HAPLN1: variants seen among roughly 807,000 people sequenced by gnomAD.
HAPLN1 encodes the protein hyaluronan and proteoglycan link protein 1, also known as Cartilage link protein.
HAPLN1 carries 13 observed loss-of-function variants against 36.5 expected under a neutral mutation model. The ratio of observed to expected loss-of-function variants is 0.36; its 90% CI spans 0.23 to 0.57. The LOEUF is 0.57. Ranked by LOEUF, HAPLN1 falls within the 20% of genes least tolerant of loss-of-function variation. HAPLN1 has a pLI of 0.83. For missense variants in HAPLN1, 407 were observed against 439.7 expected (o/e 0.93, Z 0.66); for synonymous variants, 202 against 169.8 (o/e 1.19, Z -1.48).
intron 1 of HAPLN1, among the ~76,000 whole-genome samples, chr5:83,700,252 T>C (rs1751477814): frequency 6.7e-6 from 1 of 149,950 alleles, no homozygotes; most frequent in African/African-American, 2.5e-5. Flanking sequence ...ATTACATGTA[T>C]CTACTCTGAT....
At chr5:83,643,732 G>A (rs754788268) in intron 4 of HAPLN1, among the ~76,000 whole-genome samples, 12 of 152,118 alleles carry the variant, frequency 7.9e-5, no homozygotes, top group Non-Finnish European at 1.6e-4. Context: ...GATTATAGGC[G>A]TGAGCCACAG....
intron 2 of HAPLN1, among the ~76,000 whole-genome samples, chr5:83,657,522 T>A (rs953002021): frequency 6.6e-6 from 1 of 152,146 alleles, no homozygotes; most frequent in African/African-American, 2.4e-5. Context: ...ACAGGGATGA[T>A]CGGTTGTCAG....
chr5:83,665,237 T>C (rs1277158915), intron 2 of HAPLN1, among the ~76,000 whole-genome samples: 1 of 152,204 alleles, frequency 6.6e-6, no homozygotes, highest in Non-Finnish European at 1.5e-5. Flanking sequence ...TTGCCAGCAA[T>C]ATTATTAGTC....
At chr5:83,679,858 C>T (rs1306681906) in intron 1 of HAPLN1, among the ~76,000 whole-genome samples, 1 of 152,126 alleles carries the variant, frequency 6.6e-6, no homozygotes, top group Non-Finnish European at 1.5e-5. Flanking sequence ...AAAGAGTTGA[C>T]GTCAAATGTC....
chr5:83,675,824 T>C (rs1018982870), intron 1 of HAPLN1, among the ~76,000 whole-genome samples: 4 of 152,168 alleles, frequency 2.6e-5, no homozygotes, highest in African/African-American at 9.6e-5. Flanking sequence ...AGAACAATAA[T>C]GTGAGACAAA....
intron 1 of HAPLN1, among the ~76,000 whole-genome samples, chr5:83,694,785 TAAAC>T (rs1751354018): frequency 1.3e-5 from 2 of 151,890 alleles, no homozygotes; most frequent in Admixed American, 6.6e-5. Flanking sequence ...AACAAAAAAA[TAAAC>T]AAAACCAATT....
chr5:83,644,564 C>G lies in HAPLN1; in HGVS notation c.574G>C (p.Asp192His), dbSNP rs773127545. Residue 192 changes from aspartate to histidine, a missense_variant, in exon 4 of 5, where the codon GAC becomes CAC. Transcript: ENST00000274341. The part of the protein sequence containing the change: ...LDQDAVIASF[D>H]QLYDAWRGGL... ...CCCCGCCAGGCGTCGTACAGCTGGT[C>G]GAAGGAGGCGATCACAGCATCCTGG... 2.5e-6 allele frequency: 4 copies of G among 1,597,308 alleles called. No individual in the cohort carries two copies. Among genetic ancestry groups the G allele is most frequent in the South Asian group, 2.3e-5 (2 of 88,352 alleles).
intron 4 of HAPLN1, among the ~76,000 whole-genome samples, chr5:83,642,861 C>G (rs368193141): frequency 8.5e-5 from 13 of 152,262 alleles, no homozygotes; most frequent in Admixed American, 6.5e-4. Context: ...AAATTGGCCT[C>G]CTACCTGTTT....
intron 1 of HAPLN1, among the ~76,000 whole-genome samples, chr5:83,688,671 T>TC (rs1751199299): frequency 8.6e-6 from 1 of 116,022 alleles, no homozygotes; most frequent in African/African-American, 3.6e-5. Context: ...TTTTTTTTTT[T>TC]CACTTTGGAG....
chr5:83,717,336 G>A (rs772631929), intron 1 of HAPLN1, among the ~76,000 whole-genome samples: 3 of 152,122 alleles, frequency 2.0e-5, no homozygotes, highest in Non-Finnish European at 2.9e-5. Context: ...AACTTAATGA[G>A]CGGGTCTCCT....
rs199503155 is a variant in HAPLN1 at position 83,641,613 on chromosome 5, G to A, written c.948C>T (p.Tyr316=). Residue 316 remains tyrosine (Y), a synonymous_variant, in exon 5 of 5, where the codon TAC becomes TAT. Transcript: ENST00000274341. ...AGWLADGSVR[Y]PISRPRRRCS... ...AGCGCCTTCTTGGCCTAGAGATGGG[G>A]TAGCGGACGCTGCCATCCGCCAACC... is the stretch of plus-strand genomic sequence containing the variant. The A allele has an allele frequency of 3.1e-6, 5 of 1,614,182 alleles. No individual in the cohort carries two copies. The highest frequency in any genetic ancestry group is 4.2e-6 in the Non-Finnish European group (5 of 1,180,046).
chr5:83,648,701 C>T (rs924343651), intron 3 of HAPLN1, among the ~76,000 whole-genome samples: 4 of 151,944 alleles, frequency 2.6e-5, no homozygotes, highest in Non-Finnish European at 5.9e-5. Flanking sequence ...TTCCCTGGCC[C>T]TTTGGTGCAT....
At chr5:83,678,722 G>T (rs1339571987) in intron 1 of HAPLN1, among the ~76,000 whole-genome samples, 3 of 152,082 alleles carry the variant, frequency 2.0e-5, no homozygotes, top group African/African-American at 7.2e-5. Flanking sequence ...TGAGGGGATT[G>T]TAAGAGAGGT....
chr5:83,701,659 G>A lies in HAPLN1; in HGVS notation c.-27+19130C>T, dbSNP rs1324616430. Among the ~76,000 whole-genome samples the A allele has an allele frequency of 2.0e-5, 3 of 152,048 alleles. No homozygotes were observed. The East Asian group carries it at 5.8e-4, about 29-fold the overall frequency. On this transcript the variant is annotated intron_variant, in intron 1 of 4. Coordinates refer to ENST00000274341, the MANE Select transcript of HAPLN1 (RefSeq NM_001884.4). ...CAACACATGAAAAAGTATATGAGGC[G>A]GGGCACGGTGACTCACGCCAGTAAT...
At chr5:83,687,722 A>C (rs1252470038) in intron 1 of HAPLN1, among the ~76,000 whole-genome samples, 1 of 152,182 alleles carries the variant, frequency 6.6e-6, no homozygotes, top group African/African-American at 2.4e-5. Flanking sequence ...TATATCTGTT[A>C]ATTGTAACAT....
intron 2 of HAPLN1, among the ~76,000 whole-genome samples, chr5:83,657,703 G>A (rs1750260129): frequency 6.6e-6 from 1 of 151,850 alleles, no homozygotes; most frequent in South Asian, 2.1e-4. Flanking sequence ...AAAATGAATT[G>A]AGGATGGTGC....
At chr5:83,686,562 T>C (rs1334486550) in intron 1 of HAPLN1, among the ~76,000 whole-genome samples, 5 of 152,150 alleles carry the variant, frequency 3.3e-5, no homozygotes, top group African/African-American at 1.2e-4. Context: ...AGATAGTATG[T>C]TTTAGTGATG....
chr5:83,695,533 A>C (rs1479133499), intron 1 of HAPLN1, among the ~76,000 whole-genome samples: 1 of 150,178 alleles, frequency 6.7e-6, no homozygotes, highest in Non-Finnish European at 1.5e-5. Context: ...ATACATATTT[A>C]GTGTATCTAT....
At chr5:83,648,253 A>G (rs1749932142) in intron 3 of HAPLN1, among the ~76,000 whole-genome samples, 1 of 150,292 alleles carries the variant, frequency 6.7e-6, no homozygotes, top group African/African-American at 2.4e-5. Flanking sequence ...TCCAACTCAC[A>G]TGGAGGTCAG....
Sources: allele counts gnomAD v4.1 joint callset (sites outside exome capture counted in the v4.1 genomes callset), GRCh38; gene constraint gnomAD v4.1.1; transcripts MANE v1.5; gene names NCBI Gene and HGNC (gene_info 2026-07-23, HGNC 2026-07-21).